NEIL3: variants seen among roughly 807,000 people sequenced by gnomAD.
NEIL3 encodes the protein nei like DNA glycosylase 3, also known as endonuclease 8-like 3.
In NEIL3, 48 loss-of-function variants were observed where a neutral mutation model predicts 57.5. The observed-to-expected ratio is 0.83, with a 90% CI of 0.66 to 1.06. The LOEUF is 1.06. NEIL3 is among the 50% of genes least tolerant of loss of function. The pLI is 0.00. For missense variants in NEIL3, 717 were observed against 739.1 expected (o/e 0.97, Z 0.35); for synonymous variants, 261 against 253.2 (o/e 1.03, Z -0.29).
Position 177,322,445 on chromosome 4 carries a change from G to A in NEIL3, c.157-14G>A. 1 of 1,613,760 alleles carries A rather than the reference G, an allele frequency of 6.2e-7. No homozygotes were observed. The highest frequency in any genetic ancestry group is 8.5e-7 in the Non-Finnish European group (1 of 1,179,740). ...TGTGTGTGTGCTTATGTGTGTACAT[G>A]TATTTTCCACTAGGCTGCTGCACTG... On this transcript the variant is annotated splice_polypyrimidine_tract_variant and intron_variant, in intron 1 of 9. Transcript: ENST00000264596.
the NEIL3 span, among the ~76,000 whole-genome samples, chr4:177,368,674 A>G: frequency 6.6e-6 from 1 of 152,364 alleles, no homozygotes; most frequent in East Asian, 1.9e-4. Flanking sequence ...CAGTCTATTG[A>G]ACATTTTTAA....
chr4:177,324,292 T>C (rs779965401), intron 2 of NEIL3, among the ~76,000 whole-genome samples: 14 of 152,260 alleles, frequency 9.2e-5, no homozygotes, highest in Non-Finnish European at 1.6e-4. Flanking sequence ...CTTTCAAAGG[T>C]TGCTCACAGT....
At chr4:177,342,131 C>T (rs780601301) in intron 6 of NEIL3, among the ~76,000 whole-genome samples, 12 of 152,128 alleles carry the variant, frequency 7.9e-5, no homozygotes, top group African/African-American at 1.2e-4. Flanking sequence ...GAGAAATAAC[C>T]GCAGGATAGG....
intron 4 of NEIL3, among the ~76,000 whole-genome samples, chr4:177,337,303 A>C (rs1179603594): frequency 6.6e-6 from 1 of 152,178 alleles, no homozygotes; most frequent in Non-Finnish European, 1.5e-5. Flanking sequence ...CTTTTAGCTG[A>C]ATTATTTTTT....
chr4:177,361,078 A>G (rs898286793), intron 9 of NEIL3, among the ~76,000 whole-genome samples: 3 of 152,234 alleles, frequency 2.0e-5, no homozygotes, highest in Non-Finnish European at 4.4e-5. Context: ...AAGGTTTATA[A>G]GAAAAGCAAT....
intron 8 of NEIL3, among the ~76,000 whole-genome samples, chr4:177,355,796 G>A (rs529297023): frequency 5.3e-5 from 8 of 152,050 alleles, no homozygotes; most frequent in Non-Finnish European, 1.2e-4. Flanking sequence ...CAATAGATGT[G>A]TTTACTCCAA....
intron 5 of NEIL3, among the ~76,000 whole-genome samples, chr4:177,340,671 A>G (rs1481648837): frequency 1.3e-5 from 2 of 152,116 alleles, no homozygotes; most frequent in East Asian, 3.9e-4. Flanking sequence ...GCCCATTTCC[A>G]CCCAGATTAA....
chr4:177,341,444 T>C (rs1399093330), intron 5 of NEIL3, 32 bp from the exon 6 acceptor site: 1 of 1,546,952 alleles, frequency 6.5e-7, no homozygotes, highest in Non-Finnish European at 8.7e-7. Context: ...GTTTTGTGGA[T>C]AACAGAATTT....
At chr4:177,334,686 A>G (rs1303428202) in intron 2 of NEIL3, among the ~76,000 whole-genome samples, 1 of 152,178 alleles carries the variant, frequency 6.6e-6, no homozygotes, top group Non-Finnish European at 1.5e-5. Flanking sequence ...AGTAGGGCAC[A>G]CAGAGTTTAA....
intron 8 of NEIL3, among the ~76,000 whole-genome samples, chr4:177,359,148 A>T (rs1163200367): frequency 6.6e-6 from 1 of 152,148 alleles, no homozygotes; most frequent in East Asian, 1.9e-4. Context: ...CCTATTTCTG[A>T]TCTGGTATTA....
At chr4:177,325,381 CTTTCT>C (rs1734763063) in intron 2 of NEIL3, among the ~76,000 whole-genome samples, 1 of 152,114 alleles carries the variant, frequency 6.6e-6, no homozygotes, top group East Asian at 1.9e-4. Flanking sequence ...ATCAGTGGTA[CTTTCT>C]TTTCTTTTAC....
chr4:177,365,584 G>A (rs1735683469), downstream of NEIL3, among the ~76,000 whole-genome samples: 1 of 152,118 alleles, frequency 6.6e-6, no homozygotes, highest in Non-Finnish European at 1.5e-5. Context: ...ACTGCAGTGT[G>A]GAGGGTGAAT....
chr4:177,317,637 T>G (rs1734601276), intron 1 of NEIL3, among the ~76,000 whole-genome samples: 1 of 137,168 alleles, frequency 7.3e-6, no homozygotes. Context: ...GGAGTCTTGC[T>G]CTGTCACCCA....
At chr4:177,351,323 A>T in intron 6 of NEIL3, 57 bp from the exon 7 acceptor site, 1 of 1,268,124 alleles carries the variant, frequency 7.9e-7, no homozygotes, top group East Asian at 2.4e-5. Context: ...TTTCTAAAAT[A>T]TCCAGACAAG....
At chr4:177,310,924 C>G (rs1734463942) in intron 1 of NEIL3, among the ~76,000 whole-genome samples, 1 of 152,186 alleles carries the variant, frequency 6.6e-6, no homozygotes, top group Non-Finnish European at 1.5e-5. Context: ...ATGAAATTAG[C>G]ATATGCTTAC....
intron 1 of NEIL3, among the ~76,000 whole-genome samples, chr4:177,317,128 C>T (rs1734588451): frequency 6.6e-6 from 1 of 152,204 alleles, no homozygotes; most frequent in African/African-American, 2.4e-5. Flanking sequence ...AATTCCTTCA[C>T]TTGCTCTTCT....
chr4:177,317,621 T>TTTTTTTTTTC (rs1734600815), intron 1 of NEIL3, among the ~76,000 whole-genome samples: 1 of 144,016 alleles, frequency 6.9e-6, no homozygotes, highest in African/African-American at 2.6e-5. Flanking sequence ...TTTTTTTTTT[T>TTTTTTTTTTC]GAGATGGAGT....
intron 6 of NEIL3, among the ~76,000 whole-genome samples, chr4:177,345,813 C>A (rs987831159): frequency 1.3e-5 from 2 of 151,598 alleles, no homozygotes; most frequent in African/African-American, 4.8e-5. Context: ...CCTCGGCCTC[C>A]CAGGTAGCTG....
At chr4:177,337,163 T>C (rs1012357250) in intron 4 of NEIL3, among the ~76,000 whole-genome samples, 17 of 151,660 alleles carry the variant, frequency 1.1e-4, no homozygotes, top group African/African-American at 4.1e-4. Flanking sequence ...AATATAGCAA[T>C]GTTCTAAGAG....
Sources: gnomAD v4.1 joint callset for allele counts (sites outside exome capture counted in the v4.1 genomes callset) on GRCh38, gnomAD v4.1.1 for gene constraint, MANE v1.5 for transcripts, NCBI Gene and HGNC (gene_info 2026-07-23, HGNC 2026-07-21) for gene names.